Variants in PALM2AKAP2 observed in about 807,000 individuals in gnomAD.
PALM2AKAP2 encodes PALM2 and AKAP2 fusion.
In PALM2AKAP2, 37 loss-of-function variants were observed where a neutral mutation model predicts 71.5. That is an observed-to-expected ratio of 0.52 (90% CI 0.40 to 0.68). The LOEUF is 0.68. Ranked by LOEUF, PALM2AKAP2 falls within the 30% of genes least tolerant of loss-of-function variation. The pLI is 0.00. For missense variants in PALM2AKAP2, 1,224 were observed against 1,191.8 expected (o/e 1.03, Z -0.40); for synonymous variants, 468 against 478.8 (o/e 0.98, Z 0.29).
chr9:109,867,164 CTGTGTGTGTGTGTGTGTGTGTG>C (rs56194780), intron 1 of PALM2AKAP2: 4 of 399,922 alleles, frequency 1.0e-5, no homozygotes, highest in South Asian at 5.5e-5. Context: ...ACATGGTTCT[CTGTGTGTGTGTGTGTGTGTGTG>C]TGTGTGTGTG....
intron 5 of PALM2AKAP2, among the ~76,000 whole-genome samples, chr9:109,927,085 T>C (rs1376626928): frequency 1.3e-5 from 2 of 152,190 alleles, no homozygotes; most frequent in Non-Finnish European, 2.9e-5. Flanking sequence ...TCTTGGGAAG[T>C]GGCCCAGGGA....
At chr9:109,966,912 T>C (rs1044761181) in intron 6 of PALM2AKAP2, among the ~76,000 whole-genome samples, 3 of 152,226 alleles carry the variant, frequency 2.0e-5, no homozygotes, top group African/African-American at 7.2e-5. Flanking sequence ...GTAGCAAAGT[T>C]GTTAAGGAAC....
intron 1 of PALM2AKAP2, among the ~76,000 whole-genome samples, chr9:109,832,347 A>G (rs1828325642): frequency 6.6e-6 from 1 of 152,212 alleles, no homozygotes. Context: ...GTAAAATGGC[A>G]ATGACAATAA....
In PALM2AKAP2 at chr9:110,080,371, A is replaced by G. The variant is rs183932020; in HGVS notation, c.156+31516A>G. ...AGAAAGAGAACTTTTGGGAGAAGAAACCATACATTTTATCTCTTTTCATCT... is the reference window on the plus strand; with the variant it reads ...AGAAAGAGAACTTTTGGGAGAAGAAGCCATACATTTTATCTCTTTTCATCT... On this transcript the variant is annotated intron_variant, in intron 1 of 3. Coordinates refer to ENST00000374525, the Ensembl canonical transcript of PALM2AKAP2. Among the ~76,000 whole-genome samples, 22 of 152,132 alleles carry G rather than the reference A, an allele frequency of 1.4e-4. No homozygotes were observed. The South Asian group carries it at 4.4e-3, about 30-fold the overall frequency.
At chr9:110,030,083 G>A (rs372491418) in intron 7 of PALM2AKAP2, among the ~76,000 whole-genome samples, 3 of 152,172 alleles carry the variant, frequency 2.0e-5, no homozygotes, top group East Asian at 1.9e-4. Flanking sequence ...ACAGATTAAC[G>A]GGAGAAATGG....
upstream of PALM2AKAP2, among the ~76,000 whole-genome samples, chr9:109,779,524 C>CA (rs144439527): frequency 7.8e-3 from 1,179 of 151,936 alleles, 24 homozygotes; most frequent in African/African-American, 0.027. Flanking sequence ...TGTGATCCTC[C>CA]ATTTTTTCAG....
intron 6 of PALM2AKAP2, among the ~76,000 whole-genome samples, chr9:109,951,641 A>G (rs1831644628): frequency 6.6e-6 from 1 of 152,210 alleles, no homozygotes; most frequent in Admixed American, 6.5e-5. Flanking sequence ...GTACCTGTTA[A>G]CAGTGTGGAA....
chr9:110,137,346 A>G, exon 2 of PALM2AKAP2: 1 of 1,614,138 alleles, frequency 6.2e-7, no homozygotes, highest in Non-Finnish European at 8.5e-7. Flanking sequence ...CCACTGACTA[A>G]TCCGAGACCA....
chr9:110,146,880 T>C (rs770836371), intron 2 of PALM2AKAP2, among the ~76,000 whole-genome samples: 2 of 152,128 alleles, frequency 1.3e-5, no homozygotes, highest in Non-Finnish European at 2.9e-5. Flanking sequence ...GCCTTGAAGG[T>C]AAACTTAAAA....
intron 1 of PALM2AKAP2, among the ~76,000 whole-genome samples, chr9:109,798,738 T>C (rs1827335123): frequency 6.6e-6 from 1 of 152,240 alleles, no homozygotes; most frequent in Non-Finnish European, 1.5e-5. Context: ...ACATGCCTCA[T>C]ATGTTCACAG....
intron 6 of PALM2AKAP2, among the ~76,000 whole-genome samples, chr9:109,958,457 T>C (rs1305345060): frequency 3.3e-5 from 5 of 152,166 alleles, no homozygotes; most frequent in African/African-American, 1.2e-4. Context: ...GAGGAAGTCA[T>C]TTTTCCTCTC....
At chr9:109,884,437 G>A (rs147954750) in intron 3 of PALM2AKAP2, among the ~76,000 whole-genome samples, 3 of 152,150 alleles carry the variant, frequency 2.0e-5, no homozygotes, top group Admixed American at 2.0e-4. Context: ...ACTCCAGCCT[G>A]GCAACAGAGT....
At position 109,763,303 on chromosome 9, in the gene PALM2AKAP2, C is replaced by A. The variant is rs553583334; in HGVS notation, c.6-17185C>A. ...ATTCATCCTCCCCGCCTCCTCAAATCTGCCCTTTTCTCTCCATCTCCATAG... is the reference window on the plus strand; with the variant it reads ...ATTCATCCTCCCCGCCTCCTCAAATATGCCCTTTTCTCTCCATCTCCATAG... On this transcript the variant is annotated intron_variant, in intron 1 of 6. Transcript: ENST00000374531. Among the ~76,000 whole-genome samples the A allele has an allele frequency of 4.9e-4, 74 of 152,186 alleles. 2 individuals are homozygous for A. Among genetic ancestry groups the A allele is most frequent in the Non-Finnish European group, 2.8e-4 (19 of 68,040 alleles).
chr9:109,840,204 T>A (rs1448162735), intron 1 of PALM2AKAP2, among the ~76,000 whole-genome samples: 1 of 151,990 alleles, frequency 6.6e-6, no homozygotes, highest in Non-Finnish European at 1.5e-5. Flanking sequence ...CCCTCAGAAA[T>A]AATACCACAC....
intron 6 of PALM2AKAP2, among the ~76,000 whole-genome samples, chr9:109,956,274 G>C (rs574360071): frequency 9.2e-5 from 14 of 152,022 alleles, no homozygotes; most frequent in African/African-American, 2.7e-4. Context: ...CAAAGCGCTG[G>C]GATTACAAGT....
At chr9:110,081,073 C>T (rs573986142) in intron 1 of PALM2AKAP2, among the ~76,000 whole-genome samples, 5 of 152,268 alleles carry the variant, frequency 3.3e-5, no homozygotes, top group Admixed American at 1.3e-4. Context: ...TGAATCCTTC[C>T]GGAGACTGAA....
chr9:109,782,052 C>A (rs960451853), intron 1 of PALM2AKAP2, among the ~76,000 whole-genome samples: 9 of 152,204 alleles, frequency 5.9e-5, no homozygotes, highest in Non-Finnish European at 1.3e-4. Context: ...ACAGTTGTCA[C>A]ATTTTCTGCC....
intron 6 of PALM2AKAP2, among the ~76,000 whole-genome samples, chr9:109,976,587 A>T (rs1376450183): frequency 6.6e-6 from 1 of 152,116 alleles, no homozygotes; most frequent in African/African-American, 2.4e-5. Context: ...CAGAAGAGAA[A>T]ATATATCTGG....
intron 3 of PALM2AKAP2, among the ~76,000 whole-genome samples, chr9:109,894,796 AAG>A: frequency 6.6e-6 from 1 of 152,118 alleles, no homozygotes; most frequent in Non-Finnish European, 1.5e-5. Flanking sequence ...TAGTTTTTTT[AAG>A]AGAGACACGG....
Sources: allele counts gnomAD v4.1 joint callset (sites outside exome capture counted in the v4.1 genomes callset), GRCh38; gene constraint gnomAD v4.1.1; transcripts MANE v1.5; gene names NCBI Gene and HGNC (gene_info 2026-07-23, HGNC 2026-07-21).